The following MGAT4C variants were observed in gnomAD, a reference collection of about 807,000 sequenced individuals.
MGAT4C encodes the protein MGAT4 family member C.
In MGAT4C, 19 loss-of-function variants were observed where a neutral mutation model predicts 40.1. The observed-to-expected ratio is 0.47, with a 90% CI of 0.33 to 0.70. The LOEUF is 0.70. Ranked by LOEUF, MGAT4C falls within the 30% of genes least tolerant of loss-of-function variation. The pLI, the probability that MGAT4C is intolerant of heterozygous loss-of-function variation, is 0.02. For missense variants in MGAT4C, 491 were observed against 563.2 expected (o/e 0.87, Z 1.30); for synonymous variants, 181 against 187.1 (o/e 0.97, Z 0.27).
intron 2 of MGAT4C, among the ~76,000 whole-genome samples, chr12:86,688,137 G>T (rs1950106542): frequency 6.9e-6 from 1 of 145,590 alleles, no homozygotes; most frequent in African/African-American, 2.5e-5. Context: ...TTTTATCAGA[G>T]ACTAGGAATG....
chr12:86,200,545 T>C (rs1950012788), intron 1 of MGAT4C, among the ~76,000 whole-genome samples: 1 of 152,098 alleles, frequency 6.6e-6, no homozygotes, highest in Non-Finnish European at 1.5e-5. Context: ...TTAGGCCTTC[T>C]AGTAGATAAA....
At chr12:86,119,534 A>G (rs1879008591) in intron 1 of MGAT4C, among the ~76,000 whole-genome samples, 1 of 151,686 alleles carries the variant, frequency 6.6e-6, no homozygotes, top group African/African-American at 2.4e-5. Flanking sequence ...CAGCCTCCAG[A>G]GTAGCTGGGA....
At chr12:86,480,439 T>C (rs1957913438) in intron 2 of MGAT4C, among the ~76,000 whole-genome samples, 1 of 151,084 alleles carries the variant, frequency 6.6e-6, no homozygotes. Flanking sequence ...CATGTATGTA[T>C]GTATACATAT....
At chr12:86,375,947 G>A (rs1428479987) in intron 3 of MGAT4C, among the ~76,000 whole-genome samples, 1 of 152,080 alleles carries the variant, frequency 6.6e-6, no homozygotes, top group African/African-American at 2.4e-5. Context: ...GAAAGTCAAT[G>A]ATCATAACCA....
chr12:86,033,596 T>C (rs1425724602), intron 2 of MGAT4C, among the ~76,000 whole-genome samples: 1 of 149,754 alleles, frequency 6.7e-6, no homozygotes, highest in Non-Finnish European at 1.5e-5. Context: ...TTTGGTACAT[T>C]TGTTTTGTAT....
At chr12:86,118,353 C>A (rs549836161) in intron 1 of MGAT4C, among the ~76,000 whole-genome samples, 1 of 152,044 alleles carries the variant, frequency 6.6e-6, no homozygotes, top group Non-Finnish European at 1.5e-5. Flanking sequence ...GGGAGGGAGG[C>A]ATTTTGGTAG....
intron 1 of MGAT4C, among the ~76,000 whole-genome samples, chr12:86,790,977 T>C (rs997157284): frequency 3.3e-5 from 5 of 152,100 alleles, no homozygotes; most frequent in African/African-American, 1.2e-4. Context: ...ACAGCATCAC[T>C]GGGTTATTGG....
At chr12:85,992,388 C>G (rs1315775889) in intron 2 of MGAT4C, among the ~76,000 whole-genome samples, 1 of 152,204 alleles carries the variant, frequency 6.6e-6, no homozygotes, top group Non-Finnish European at 1.5e-5. Flanking sequence ...CAAGGCTACA[C>G]CTTGGTGTTA....
intron 2 of MGAT4C, among the ~76,000 whole-genome samples, chr12:86,726,334 C>G (rs1593154266): frequency 6.6e-6 from 1 of 152,180 alleles, no homozygotes; most frequent in African/African-American, 2.4e-5. Context: ...CGTCAATATG[C>G]AGGTGACAGG....
chr12:86,296,682 G>C (rs1014616728), intron 4 of MGAT4C, among the ~76,000 whole-genome samples: 2 of 152,230 alleles, frequency 1.3e-5, no homozygotes, highest in Admixed American at 1.3e-4. Context: ...CCGCAGGGCC[G>C]GCCAGCGGCT....
chr12:86,791,829 T>A (rs1443709550), intron 1 of MGAT4C, among the ~76,000 whole-genome samples: 4 of 152,080 alleles, frequency 2.6e-5, no homozygotes, highest in African/African-American at 9.7e-5. Context: ...AAAAGAAACA[T>A]CCAGATGGAA....
At chr12:86,161,623 A>G (rs551195548) in intron 1 of MGAT4C, among the ~76,000 whole-genome samples, 1 of 152,308 alleles carries the variant, frequency 6.6e-6, no homozygotes, top group South Asian at 2.1e-4. Context: ...TAAGTTCACA[A>G]AATCAATTGC....
chr12:86,380,061 A>T (rs923432572), intron 3 of MGAT4C, among the ~76,000 whole-genome samples: 3 of 152,108 alleles, frequency 2.0e-5, no homozygotes, highest in African/African-American at 7.2e-5. Context: ...AAAGACTAGA[A>T]ATGAGTAGGA....
chr12:86,427,463 A>G (rs1250911337), intron 3 of MGAT4C, among the ~76,000 whole-genome samples: 1 of 152,060 alleles, frequency 6.6e-6, no homozygotes, highest in Admixed American at 6.6e-5. Context: ...AATGAAGCAT[A>G]ATTTTGTTTA....
At position 86,719,498 on chromosome 12, in the gene MGAT4C, T is replaced by C. The variant is rs113690210; in HGVS notation, c.-229+7711A>G. 4.0e-4 allele frequency among the ~76,000 whole-genome samples: 61 copies of C among 152,324 alleles called. 1 individual carries two copies. The highest frequency in any genetic ancestry group is 1.4e-3 in the African/African-American group (60 of 41,584). ...TAAGATGGGAGGCAATCAGAGTCAC[T>C]GATTCATAGCAATTCTGAAATCCAG... On this transcript the variant is annotated intron_variant, in intron 2 of 7. Coordinates refer to the MGAT4C transcript ENST00000548651.
At chr12:86,603,606 G>C (rs1158119315) in intron 2 of MGAT4C, among the ~76,000 whole-genome samples, 2 of 118,970 alleles carry the variant, frequency 1.7e-5, no homozygotes, top group Non-Finnish European at 3.3e-5. Flanking sequence ...ATAGACTATA[G>C]ATAATATATA....
chr12:86,139,967 T>C (rs1882599297), intron 1 of MGAT4C, among the ~76,000 whole-genome samples: 1 of 152,182 alleles, frequency 6.6e-6, no homozygotes, highest in African/African-American at 2.4e-5. Context: ...TAATGGTTTC[T>C]CAATGATCCT....
intron 1 of MGAT4C, among the ~76,000 whole-genome samples, chr12:86,219,982 T>A (rs1043084549): frequency 2.0e-5 from 3 of 152,148 alleles, no homozygotes; most frequent in African/African-American, 7.2e-5. Flanking sequence ...CTTTCATGAT[T>A]GAGAACCCAG....
intron 2 of MGAT4C, among the ~76,000 whole-genome samples, chr12:86,472,710 T>C (rs1050340719): frequency 6.6e-6 from 1 of 152,146 alleles, no homozygotes; most frequent in South Asian, 2.1e-4. Context: ...AACTAAGATA[T>C]TTGCATTTTC....
Sources: gnomAD v4.1 joint callset for allele counts (sites outside exome capture counted in the v4.1 genomes callset) on GRCh38, gnomAD v4.1.1 for gene constraint, MANE v1.5 for transcripts, NCBI Gene and HGNC (gene_info 2026-07-23, HGNC 2026-07-21) for gene names.